Variants in DNAH8 observed in about 807,000 individuals in gnomAD.
DNAH8 encodes axonemal beta dynein heavy chain 8.
In DNAH8, 382 loss-of-function variants were observed where a neutral mutation model predicts 562.1. The ratio of observed to expected loss-of-function variants is 0.68; its 90% CI spans 0.63 to 0.74. The LOEUF is 0.74. DNAH8 is among the 30% of genes least tolerant of loss of function. DNAH8 has a pLI of 0.00. For missense variants in DNAH8, 5,203 were observed against 5,620.4 expected (o/e 0.93, Z 2.37); for synonymous variants, 1,881 against 1,919.4 (o/e 0.98, Z 0.52).
At chr6:38,861,949 G>GTTGTTTT (rs1776661194) in intron 43 of DNAH8, among the ~76,000 whole-genome samples, 1 of 134,690 alleles carries the variant, frequency 7.4e-6, no homozygotes, top group East Asian at 2.3e-4. Context: ...TGAAAACCAG[G>GTTGTTTT]TTTTTTTTTT....
At chr6:38,805,693 C>T in intron 23 of DNAH8, 97 bp downstream of exon 23, 1 of 633,946 alleles carries the variant, frequency 1.6e-6, no homozygotes, top group Non-Finnish European at 2.7e-6. Context: ...AGTTCTGCAA[C>T]CAATCTAATT....
chr6:38,764,241 C>G (rs1056564090), intron 11 of DNAH8: 2 of 154,260 alleles, frequency 1.3e-5, no homozygotes, highest in African/African-American at 4.8e-5. Context: ...TGACAAGCAT[C>G]TAAGAATGCA....
chr6:39,015,176 C>T (rs1561978019), intron 91 of DNAH8, among the ~76,000 whole-genome samples: 1 of 152,132 alleles, frequency 6.6e-6, no homozygotes, highest in Non-Finnish European at 1.5e-5. Flanking sequence ...TTGAATGTAT[C>T]TTTGATATTT....
At chr6:38,957,373 A>G (rs1006273013) in intron 82 of DNAH8, among the ~76,000 whole-genome samples, 4 of 151,144 alleles carry the variant, frequency 2.6e-5, no homozygotes, top group East Asian at 1.9e-4. Context: ...CTGCAATACA[A>G]TAATAGTAGG....
chr6:38,898,127 C>T, intron 60 of DNAH8, 131 bp from the exon 61 acceptor site: 1 of 824,456 alleles, frequency 1.2e-6, no homozygotes, highest in Non-Finnish European at 1.8e-6. Context: ...CGTGAGAAAC[C>T]TCTGGAAATC....
At chr6:38,783,433 G>A (rs1768840204) in intron 17 of DNAH8, among the ~76,000 whole-genome samples, 1 of 152,130 alleles carries the variant, frequency 6.6e-6, no homozygotes, top group Non-Finnish European at 1.5e-5. Flanking sequence ...TTATGAAAGT[G>A]TTCATATTCA....
At chr6:38,900,769 A>G (rs1052189792) in intron 62 of DNAH8, among the ~76,000 whole-genome samples, 2 of 152,126 alleles carry the variant, frequency 1.3e-5, no homozygotes, top group Non-Finnish European at 2.9e-5. Flanking sequence ...GGAGTGTGCC[A>G]CCATGCCCAG....
At chr6:38,956,462 C>T (rs1762251154) in intron 82 of DNAH8, among the ~76,000 whole-genome samples, 1 of 152,192 alleles carries the variant, frequency 6.6e-6, no homozygotes, top group African/African-American at 2.4e-5. Flanking sequence ...GACACACTCC[C>T]ATCTGAACCA....
rs558173918 is a variant in DNAH8, at chr6:38,864,582, A to G, written c.6498+522A>G. Among the ~76,000 whole-genome samples the G allele has an allele frequency of 7.9e-5, 12 of 152,332 alleles. 1 individual carries two copies. The South Asian group carries it at 2.5e-3, about 32-fold the overall frequency. On this transcript the variant is annotated intron_variant, in intron 45 of 92. Transcript: ENST00000327475. ...CATTGCTCTTTGCTGTAGCAAAGGAAAAAGAGAACATGAAGAATTGTGCTC... is the reference window on the plus strand; with the variant it reads ...CATTGCTCTTTGCTGTAGCAAAGGAGAAAGAGAACATGAAGAATTGTGCTC...
At chr6:38,805,774 C>G (rs1398116341) in intron 23 of DNAH8, among the ~76,000 whole-genome samples, 178 bp downstream of exon 23, 1 of 152,142 alleles carries the variant, frequency 6.6e-6, no homozygotes, top group Admixed American at 6.6e-5. Context: ...AAGTTTTCCC[C>G]AGTATCACAG....
intron 31 of DNAH8, among the ~76,000 whole-genome samples, chr6:38,832,642 A>G (rs936233537): frequency 6.6e-6 from 1 of 152,106 alleles, no homozygotes; most frequent in African/African-American, 2.4e-5. Flanking sequence ...AAAAAGAAGA[A>G]TTTTTCTGGG....
At chr6:38,827,837 C>A (rs536175979) in intron 29 of DNAH8, among the ~76,000 whole-genome samples, 1 of 131,164 alleles carries the variant, frequency 7.6e-6, no homozygotes, top group South Asian at 2.6e-4. Context: ...TTTGGAGTAT[C>A]TCCCACATCA....
At chr6:38,934,860 A>G (rs1782826361) in intron 76 of DNAH8, among the ~76,000 whole-genome samples, 1 of 152,358 alleles carries the variant, frequency 6.6e-6, no homozygotes, top group Admixed American at 6.5e-5. Context: ...TAATGACAAC[A>G]TTATGTATTC....
chr6:38,928,070 C>G (rs1294781886), intron 74 of DNAH8: 1 of 152,216 alleles, frequency 6.6e-6, no homozygotes, highest in African/African-American at 2.4e-5. Context: ...AATGCCATCT[C>G]CAGGACCTAC....
At chr6:38,972,983 A>C (rs1763443015) in intron 83 of DNAH8, among the ~76,000 whole-genome samples, 2 of 152,174 alleles carry the variant, frequency 1.3e-5, no homozygotes, top group African/African-American at 4.8e-5. Flanking sequence ...ACTATTTTGT[A>C]GTTTTATGTA....
chr6:38,921,848 C>T (rs915647928), intron 71 of DNAH8, among the ~76,000 whole-genome samples: 2 of 151,800 alleles, frequency 1.3e-5, no homozygotes, highest in South Asian at 2.1e-4. Flanking sequence ...GAGCTGAGTC[C>T]GAAAAGAGTC....
intron 25 of DNAH8, among the ~76,000 whole-genome samples, 163 bp downstream of exon 25, chr6:38,814,292 A>G (rs956055118): frequency 5.3e-5 from 8 of 152,178 alleles, no homozygotes; most frequent in African/African-American, 1.9e-4. Context: ...TGAAAAAGCT[A>G]CTTCTGGGAT....
chr6:38,723,283 T>TTTTTTC, intron 2 of DNAH8, 54 bp from the exon 3 acceptor site: 1 of 1,576,662 alleles, frequency 6.3e-7, no homozygotes, highest in East Asian at 2.2e-5. Flanking sequence ...TATGAAACAG[T>TTTTTTC]TTGATATTTT....
intron 42 of DNAH8, among the ~76,000 whole-genome samples, chr6:38,859,948 A>T (rs1776483394): frequency 6.6e-6 from 1 of 152,102 alleles, no homozygotes. Context: ...AGATCCCGGG[A>T]TGCCCCTAGC....
Sources: allele counts gnomAD v4.1 joint callset (sites outside exome capture counted in the v4.1 genomes callset), GRCh38; gene constraint gnomAD v4.1.1; transcripts MANE v1.5; gene names NCBI Gene and HGNC (gene_info 2026-07-23, HGNC 2026-07-21).